The following NDUFAF2 variants were observed in gnomAD, a reference collection of about 807,000 sequenced individuals.
The protein encoded by NDUFAF2 is NADH dehydrogenase [ubiquinone] 1 alpha subcomplex assembly factor 2.
NDUFAF2 carries 13 observed loss-of-function variants against 22.8 expected under a neutral mutation model. The ratio of observed to expected loss-of-function variants is 0.57; its 90% confidence interval spans 0.37 to 0.91. The LOEUF is 0.91. Ranked by LOEUF, NDUFAF2 falls within the 40% of genes least tolerant of loss-of-function variation. NDUFAF2 has a pLI of 0.01. For synonymous variants in NDUFAF2, 53 were observed against 64.2 expected (o/e 0.83, Z 0.84); for missense variants, 162 against 195.2 (o/e 0.83, Z 1.01).
chr5:61,073,779 G>A (rs574554571), intron 2 of NDUFAF2, among the ~76,000 whole-genome samples: 4 of 152,306 alleles, frequency 2.6e-5, no homozygotes, highest in African/African-American at 9.6e-5. Flanking sequence ...AACAGCAGCA[G>A]TTGGTCTCTC....
chr5:60,966,294 G>T (rs1750757861), intron 1 of NDUFAF2, among the ~76,000 whole-genome samples: 1 of 152,012 alleles, frequency 6.6e-6, no homozygotes, highest in African/African-American at 2.4e-5. Context: ...TGTACAGTTT[G>T]CAGATACTTT....
Position 60,948,726 on chromosome 5 carries a change from C to G in NDUFAF2, c.127+3344C>G, listed in dbSNP as rs1407957788. 5.3e-5 allele frequency among the ~76,000 whole-genome samples: 8 copies of G among 151,880 alleles called. 1 individual carries two copies. The highest frequency in any genetic ancestry group is 4.6e-4 in the Admixed American group (7 of 15,258). On this transcript the variant is annotated intron_variant, in intron 1 of 3. Coordinates refer to ENST00000296597, the MANE Select transcript of NDUFAF2 (RefSeq NM_174889.5). ...CTGTTCATAGATATTTGGGTTGTTT[C>G]TAGTTAGGGGTTATTACAAATAAAT...
chr5:61,119,274 A>G (rs1752949207), intron 3 of NDUFAF2, among the ~76,000 whole-genome samples: 1 of 152,198 alleles, frequency 6.6e-6, no homozygotes, highest in Non-Finnish European at 1.5e-5. Context: ...GGCATCTGGT[A>G]TATGCTCAAG....
chr5:61,094,916 A>G (rs892155882), intron 2 of NDUFAF2, among the ~76,000 whole-genome samples: 1 of 152,134 alleles, frequency 6.6e-6, no homozygotes, highest in African/African-American at 2.4e-5. Flanking sequence ...GACCCCAGTT[A>G]GGAGGTCTCA....
At chr5:61,006,236 A>G (rs1751364845) in intron 1 of NDUFAF2, among the ~76,000 whole-genome samples, 1 of 152,134 alleles carries the variant, frequency 6.6e-6, no homozygotes, top group East Asian at 1.9e-4. Flanking sequence ...AGGTTTGTCA[A>G]AGATCAGATG....
chr5:61,025,254 A>G (rs1751635472), intron 1 of NDUFAF2, among the ~76,000 whole-genome samples: 2 of 152,016 alleles, frequency 1.3e-5, no homozygotes, highest in Admixed American at 1.3e-4. Flanking sequence ...GATGTTCAAT[A>G]TATATTTATT....
At chr5:60,973,358 T>A (rs1271605534) in intron 1 of NDUFAF2, among the ~76,000 whole-genome samples, 2 of 152,224 alleles carry the variant, frequency 1.3e-5, no homozygotes, top group African/African-American at 4.8e-5. Context: ...CTTGCTTGTT[T>A]GTTTGTTTAG....
At chr5:61,053,915 C>T (rs1752055803) in intron 1 of NDUFAF2, among the ~76,000 whole-genome samples, 1 of 152,014 alleles carries the variant, frequency 6.6e-6, no homozygotes. Flanking sequence ...GAAAAAACAA[C>T]TGAACTTTAA....
chr5:61,143,961 TG>T (rs1249713340), intron 3 of NDUFAF2, among the ~76,000 whole-genome samples: 40 of 10,142 alleles, frequency 3.9e-3, no homozygotes, highest in Admixed American at 0.019. Flanking sequence ...GGCATATTTT[TG>T]TGTGTGTGTG....
intron 1 of NDUFAF2, among the ~76,000 whole-genome samples, chr5:60,954,565 A>G (rs1398861952): frequency 6.6e-6 from 1 of 152,110 alleles, no homozygotes; most frequent in Non-Finnish European, 1.5e-5. Flanking sequence ...CATATATACT[A>G]TGTACTAGAT....
intron 1 of NDUFAF2, among the ~76,000 whole-genome samples, chr5:61,040,094 T>G (rs80008358): frequency 6.6e-6 from 1 of 152,088 alleles, no homozygotes; most frequent in Admixed American, 6.6e-5. Context: ...TATAGTGGGT[T>G]GAATAGTGTC....
At chr5:61,019,487 G>T (rs1751551549) in intron 1 of NDUFAF2, among the ~76,000 whole-genome samples, 1 of 151,710 alleles carries the variant, frequency 6.6e-6, no homozygotes, top group South Asian at 2.1e-4. Context: ...TGTACAAGTA[G>T]AATATTAATA....
intron 3 of NDUFAF2, among the ~76,000 whole-genome samples, chr5:61,137,736 T>C (rs1273537471): frequency 1.3e-5 from 2 of 152,226 alleles, no homozygotes; most frequent in East Asian, 3.8e-4. Context: ...ATTGGGTCAT[T>C]TGGAGCCTTG....
chr5:61,078,272 T>TATATA (rs1561558853), intron 2 of NDUFAF2, among the ~76,000 whole-genome samples: 19 of 151,332 alleles, frequency 1.3e-4, no homozygotes, highest in Non-Finnish European at 2.2e-4. Flanking sequence ...GCTCAATAGT[T>TATATA]AAGTAAATAT....
intron 3 of NDUFAF2, among the ~76,000 whole-genome samples, chr5:61,099,921 T>A (rs1752686470): frequency 6.6e-6 from 1 of 152,114 alleles, no homozygotes; most frequent in Non-Finnish European, 1.5e-5. Context: ...AGCAGGATAA[T>A]GATGATACCT....
At chr5:61,017,331 A>G (rs963425712) in intron 1 of NDUFAF2, among the ~76,000 whole-genome samples, 2 of 152,190 alleles carry the variant, frequency 1.3e-5, no homozygotes, top group Non-Finnish European at 2.9e-5. Flanking sequence ...TCTTTGTAGA[A>G]GCTTTGAACT....
At chr5:61,048,884 G>A (rs1751988201) in intron 1 of NDUFAF2, among the ~76,000 whole-genome samples, 1 of 152,074 alleles carries the variant, frequency 6.6e-6, no homozygotes, top group African/African-American at 2.4e-5. Context: ...GATTGGAGAG[G>A]GGAGTGGTGG....
intron 3 of NDUFAF2, among the ~76,000 whole-genome samples, chr5:61,109,392 C>G (rs1752807208): frequency 6.6e-6 from 1 of 152,160 alleles, no homozygotes; most frequent in South Asian, 2.1e-4. Context: ...ATATTGCCTA[C>G]AAACAAGGAT....
chr5:61,134,667 C>T (rs534996664), intron 3 of NDUFAF2, among the ~76,000 whole-genome samples: 51 of 152,182 alleles, frequency 3.4e-4, no homozygotes, highest in Non-Finnish European at 5.6e-4. Flanking sequence ...GCCTGGGTGA[C>T]AGAGTGAGAC....
Sources: allele counts gnomAD v4.1 joint callset (sites outside exome capture counted in the v4.1 genomes callset), GRCh38; gene constraint gnomAD v4.1.1; transcripts MANE v1.5; gene names NCBI Gene and HGNC (gene_info 2026-07-23, HGNC 2026-07-21).